TLE1: variants seen among roughly 807,000 people sequenced by gnomAD.
TLE1 encodes transducin-like enhancer protein 1.
In TLE1, 21 loss-of-function variants were observed where a neutral mutation model predicts 89.8. That is an observed-to-expected ratio of 0.23 (90% CI 0.17 to 0.34). TLE1 has a LOEUF of 0.34. TLE1 is among the 10% of genes least tolerant of loss of function. TLE1 has a pLI of 1.00. For synonymous variants in TLE1, 447 were observed against 407.6 expected, an observed-to-expected ratio of 1.10 and a Z score of -1.16; for missense variants, 795 against 1,031.2, an observed-to-expected ratio of 0.77 and a Z score of 3.14.
intron 14 of TLE1, among the ~76,000 whole-genome samples, chr9:81,594,513 A>T (rs1829958195): frequency 6.6e-6 from 1 of 152,034 alleles, no homozygotes; most frequent in Non-Finnish European, 1.5e-5. Flanking sequence ...ACTGCACTCC[A>T]GCCTAGGCGA....
chr9:81,683,200 C>T (rs959509018), intron 4 of TLE1, among the ~76,000 whole-genome samples: 8 of 150,136 alleles, frequency 5.3e-5, no homozygotes, highest in South Asian at 2.1e-4. Context: ...GCTCTCTGTA[C>T]GGAAAGTTTC....
At chr9:81,660,306 A>AC (rs1830604555) in intron 4 of TLE1, among the ~76,000 whole-genome samples, 2 of 151,298 alleles carry the variant, frequency 1.3e-5, no homozygotes, top group South Asian at 4.2e-4. Context: ...AACCAGATAA[A>AC]CCATTACTAA....
intron 16 of TLE1, 147 bp downstream of exon 16, chr9:81,590,658 T>C: frequency 7.2e-7 from 1 of 1,386,200 alleles, no homozygotes; most frequent in Non-Finnish European, 9.8e-7. Flanking sequence ...AGCAACACAG[T>C]TGTCTTTGTT....
intron 8 of TLE1, among the ~76,000 whole-genome samples, chr9:81,632,062 C>T (rs1441351412): frequency 6.6e-6 from 1 of 152,114 alleles, no homozygotes; most frequent in Non-Finnish European, 1.5e-5. Context: ...TGCACCCCAG[C>T]CTGGGTGACA....
chr9:81,619,273 A>G (rs1824938863), intron 9 of TLE1, among the ~76,000 whole-genome samples: 1 of 152,204 alleles, frequency 6.6e-6, no homozygotes, highest in African/African-American at 2.4e-5. Context: ...GTTTCTTAGT[A>G]TGTTATTAAA....
intron 4 of TLE1, among the ~76,000 whole-genome samples, chr9:81,671,883 G>A (rs1832273315): frequency 6.6e-6 from 1 of 152,170 alleles, no homozygotes; most frequent in Admixed American, 6.5e-5. Context: ...ACATTTCAAT[G>A]GTCCAATTCC....
intron 6 of TLE1, among the ~76,000 whole-genome samples, chr9:81,643,181 G>A (rs1272253255): frequency 6.6e-6 from 1 of 151,906 alleles, no homozygotes; most frequent in Non-Finnish European, 1.5e-5. Flanking sequence ...TAATAATAAC[G>A]GTATTGTATA....
intron 5 of TLE1, 110 bp downstream of exon 5, chr9:81,653,862 CAG>C (rs1829850727): frequency 1.1e-6 from 1 of 944,648 alleles, no homozygotes; most frequent in South Asian, 1.5e-5. Flanking sequence ...TCAGCTGTAA[CAG>C]ATGTTCTTCA....
In TLE1 at chr9:81,583,827, A is replaced by G; in HGVS notation, c.*371T>C. 5.0e-6 allele frequency: 1 copy of G among 201,618 alleles called. No individual in the cohort carries two copies. The highest frequency in any genetic ancestry group is 1.0e-5 in the Non-Finnish European group (1 of 96,698). 12.5% of individuals were successfully genotyped at this position (201,618 alleles called of 1,614,324 possible). On this transcript the variant is annotated 3_prime_UTR_variant, in exon 20 of 20. Coordinates refer to ENST00000376499, the MANE Select transcript of TLE1 (RefSeq NM_005077.5). ...TCATTGGAGACACCACTGCTCTACAAAGGACGGAAAGTGAGGTGAACTGCA... is the reference window on the plus strand; with the variant it reads ...TCATTGGAGACACCACTGCTCTACAGAGGACGGAAAGTGAGGTGAACTGCA...
At chr9:81,639,302 G>C (rs975240564) in intron 6 of TLE1, among the ~76,000 whole-genome samples, 1 of 151,970 alleles carries the variant, frequency 6.6e-6, no homozygotes, top group Non-Finnish European at 1.5e-5. Flanking sequence ...CTGGCTTCAA[G>C]CAATCCTCCT....
intron 9 of TLE1, among the ~76,000 whole-genome samples, chr9:81,618,883 A>T (rs976398129): frequency 3.9e-5 from 6 of 152,202 alleles, no homozygotes; most frequent in Admixed American, 3.9e-4. Flanking sequence ...TTCACAGGAC[A>T]GTACATGTCT....
At position 81,688,416 on chromosome 9, in the gene TLE1, G is replaced by A; in HGVS notation, c.-176C>T. On this transcript the variant is annotated 5_prime_UTR_variant, in exon 1 of 20. Coordinates refer to ENST00000376499, the MANE Select transcript of TLE1 (RefSeq NM_005077.5). ...GCCACTCGGCGCCCGCAGCTGCTCC[G>A]GCTCCCGCTCCCGTCGGTGCGGGCT... 9.6e-6 allele frequency: 6 copies of A among 624,548 alleles called. No individual in the cohort carries two copies. The highest frequency in any genetic ancestry group is 3.6e-5 in the East Asian group (1 of 28,024). 38.7% of individuals were successfully genotyped at this position (624,548 alleles called of 1,614,324 possible).
At chr9:81,657,916 T>G (rs1431371616) in intron 4 of TLE1, among the ~76,000 whole-genome samples, 1 of 149,714 alleles carries the variant, frequency 6.7e-6, no homozygotes, top group Non-Finnish European at 1.5e-5. Flanking sequence ...TTTTTTTTTT[T>G]TTTTTTTTTT....
intron 14 of TLE1, among the ~76,000 whole-genome samples, chr9:81,601,515 T>C (rs964032047): frequency 6.6e-6 from 1 of 151,978 alleles, no homozygotes; most frequent in African/African-American, 2.4e-5. Flanking sequence ...GCCTGAGTTA[T>C]TACTGACCTC....
At chr9:81,610,667 C>A (rs1203978067) in intron 13 of TLE1, among the ~76,000 whole-genome samples, 1 of 152,094 alleles carries the variant, frequency 6.6e-6, no homozygotes, top group East Asian at 1.9e-4. Flanking sequence ...TTGTTAGGGG[C>A]CGTCCTGGGC....
chr9:81,685,656 G>T lies in TLE1; in HGVS notation c.234+20C>A. 6.2e-7 allele frequency: 1 copy of T among 1,611,778 alleles called. No homozygotes were observed. Among genetic ancestry groups the T allele is most frequent in the South Asian group, 1.1e-5 (1 of 90,910 alleles). ...ATGAACTGATGTCTCATTTCAGCTT[G>T]AAGTTCAACTAAAGCTTACCTGTTT... On this transcript the variant is annotated intron_variant, in intron 4 of 19. Coordinates refer to ENST00000376499, the MANE Select transcript of TLE1 (RefSeq NM_005077.5).
rs1460385610 is a variant in TLE1, at chr9:81,590,525, G to A, written c.1829+280C>T. Among the ~76,000 whole-genome samples the A allele has an allele frequency of 2.0e-5, 3 of 152,196 alleles. No homozygotes were observed. In the East Asian group the frequency reaches 5.8e-4, roughly 29 times the overall value. On this transcript the variant is annotated intron_variant, in intron 16 of 19. Transcript: ENST00000376499. ...CACATTAGGCCACCCCTTGGCAAAAGCCAGAAATATTTTTAGAACAAGTTT... is the reference window on the plus strand; with the variant it reads ...CACATTAGGCCACCCCTTGGCAAAAACCAGAAATATTTTTAGAACAAGTTT...
chr9:81,594,545 A>T (rs1410436547), intron 14 of TLE1, among the ~76,000 whole-genome samples: 2 of 100,000 alleles, frequency 2.0e-5, no homozygotes, highest in East Asian at 4.1e-4. Context: ...CTACGTCTTA[A>T]AAAAAAAAAA....
chr9:81,634,115 C>T lies in TLE1; in HGVS notation c.559G>A (p.Asp187Asn), dbSNP rs1180836273. ...LAIKDDKKHH[D>N]AEHHRDREPG... ...CTCTCACCTCTGTGGTGCTCTGCAT[C>T]GTGGTGCTTCTTGTCATCTTTTATT... The change falls in exon 7 of 20, where the codon GAT (aspartate) becomes AAT (asparagine). Residue 187 changes from aspartate to asparagine, a missense_variant. Coordinates refer to ENST00000376499, the MANE Select transcript of TLE1 (RefSeq NM_005077.5). The T allele has an allele frequency of 4.4e-6, 7 of 1,608,908 alleles. No individual in the cohort carries two copies. The highest frequency in any genetic ancestry group is 4.2e-6 in the Non-Finnish European group (5 of 1,177,380).
Sources: gnomAD v4.1 joint callset for allele counts (sites outside exome capture counted in the v4.1 genomes callset) on GRCh38, gnomAD v4.1.1 for gene constraint, MANE v1.5 for transcripts, NCBI Gene and HGNC (gene_info 2026-07-23, HGNC 2026-07-21) for gene names.